The following PXDNL variants were observed in gnomAD, a reference collection of about 807,000 sequenced individuals.
The protein encoded by PXDNL is probable oxidoreductase PXDNL.
In PXDNL, 145 loss-of-function variants were observed where a neutral mutation model predicts 150.8. The observed-to-expected ratio is 0.96, with a 90% CI of 0.84 to 1.10. PXDNL has a LOEUF of 1.10. Among genes scored for constraint, PXDNL ranks in the 50% least tolerant of loss-of-function variants. The pLI is 0.00. For synonymous variants in PXDNL, 757 were observed against 725.7 expected, an observed-to-expected ratio of 1.04 and a Z score of -0.69; for missense variants, 2,087 against 1,873.9, an observed-to-expected ratio of 1.11 and a Z score of -2.10.
intron 2 of PXDNL, among the ~76,000 whole-genome samples, chr8:51,620,005 T>C (rs991168742): frequency 1.3e-5 from 2 of 152,170 alleles, no homozygotes; most frequent in African/African-American, 4.8e-5. Flanking sequence ...CGTTCTACTT[T>C]TCTATTGTTA....
intron 5 of PXDNL, among the ~76,000 whole-genome samples, chr8:51,486,239 C>T (rs1210156684): frequency 1.3e-5 from 2 of 152,116 alleles, no homozygotes; most frequent in African/African-American, 4.8e-5. Flanking sequence ...AAAACATTTC[C>T]ATCATCACAG....
At chr8:51,390,062 C>T (rs1179765177) in intron 17 of PXDNL, among the ~76,000 whole-genome samples, 4 of 151,832 alleles carry the variant, frequency 2.6e-5, no homozygotes, top group Non-Finnish European at 5.9e-5. Context: ...CATGCCCCCC[C>T]CACCAAAAAA....
intron 12 of PXDNL, among the ~76,000 whole-genome samples, chr8:51,438,734 C>T (rs573705135): frequency 1.3e-5 from 2 of 152,194 alleles, no homozygotes; most frequent in East Asian, 3.9e-4. Context: ...GCACATAAAC[C>T]AATGGAACAG....
intron 1 of PXDNL, among the ~76,000 whole-genome samples, chr8:51,680,044 G>C (rs1815708202): frequency 6.6e-6 from 1 of 152,142 alleles, no homozygotes; most frequent in African/African-American, 2.4e-5. Flanking sequence ...ACTTATATTT[G>C]ATTTATGCTT....
chr8:51,404,478 T>C (rs947864868), intron 17 of PXDNL, among the ~76,000 whole-genome samples: 3 of 149,314 alleles, frequency 2.0e-5, no homozygotes, highest in African/African-American at 7.8e-5. Flanking sequence ...TACAGAGTGC[T>C]GATTGGTGCA....
At chr8:51,601,217 C>T (rs878973112) in intron 2 of PXDNL, among the ~76,000 whole-genome samples, 20 of 151,446 alleles carry the variant, frequency 1.3e-4, no homozygotes, top group South Asian at 4.2e-4. Context: ...TGGAGTATTC[C>T]GTAATGTTTA....
rs145420857 is a variant in PXDNL at position 51,688,507 on chromosome 8, C to T, written c.165-33747G>A. 7.1e-4 allele frequency among the ~76,000 whole-genome samples: 108 copies of T among 152,202 alleles called. 2 individuals carry two copies. Among genetic ancestry groups the T allele is most frequent in the African/African-American group, 2.2e-3 (92 of 41,534 alleles). Reference sequence around the variant, plus strand: ...CAATGATAAGAAAGTTGAACAAACACAATTTGGTGACCCTGTGGACTGCGG... The same window carrying T: ...CAATGATAAGAAAGTTGAACAAACATAATTTGGTGACCCTGTGGACTGCGG... On this transcript the variant is annotated intron_variant, in intron 1 of 22. Transcript: ENST00000356297.
chr8:51,423,521 A>G (rs1809010126), intron 14 of PXDNL, 54 bp downstream of exon 14: 1 of 1,501,976 alleles, frequency 6.7e-7, no homozygotes, highest in African/African-American at 1.4e-5. Flanking sequence ...ATTGGGGTAG[A>G]AGCTGTTCAA....
intron 4 of PXDNL, among the ~76,000 whole-genome samples, chr8:51,527,222 G>T (rs1213843609): frequency 6.6e-6 from 1 of 152,076 alleles, no homozygotes; most frequent in Non-Finnish European, 1.5e-5. Context: ...CAATGAGCTG[G>T]GACCTACCTA....
At chr8:51,492,930 A>G (rs1810931904) in intron 5 of PXDNL, among the ~76,000 whole-genome samples, 1 of 152,150 alleles carries the variant, frequency 6.6e-6, no homozygotes, top group African/African-American at 2.4e-5. Flanking sequence ...CTTTGAAGAG[A>G]GTAGTGGTTC....
At chr8:51,467,604 C>T (rs1003410542) in intron 8 of PXDNL, among the ~76,000 whole-genome samples, 1 of 152,018 alleles carries the variant, frequency 6.6e-6, no homozygotes, top group Admixed American at 6.6e-5. Flanking sequence ...GCACTTGTAC[C>T]TCCAGAATGT....
At chr8:51,635,916 G>C (rs1814594669) in intron 2 of PXDNL, among the ~76,000 whole-genome samples, 1 of 151,982 alleles carries the variant, frequency 6.6e-6, no homozygotes, top group African/African-American at 2.4e-5. Context: ...AAAATACAGA[G>C]CAATATCTTT....
At chr8:51,608,852 A>AAAAAAAAAAAAAAAAAAAAAT (rs1813935720) in intron 2 of PXDNL, among the ~76,000 whole-genome samples, 1 of 149,376 alleles carries the variant, frequency 6.7e-6, no homozygotes, top group Non-Finnish European at 1.5e-5. Flanking sequence ...AAAAAAAAAA[A>AAAAAAAAAAAAAAAAAAAAAT]AAAAAAAGAA....
At chr8:51,802,979 AG>A (rs1243304841) in intron 1 of PXDNL, among the ~76,000 whole-genome samples, 1 of 152,268 alleles carries the variant, frequency 6.6e-6, no homozygotes, top group Non-Finnish European at 1.5e-5. Context: ...AAGATGTCTA[AG>A]CAAAGGAATA....
At chr8:51,524,109 G>T (rs932493487) in intron 4 of PXDNL, among the ~76,000 whole-genome samples, 1 of 150,166 alleles carries the variant, frequency 6.7e-6, no homozygotes, top group African/African-American at 2.5e-5. Context: ...TGCCACCTCG[G>T]TTCCTCATGG....
chr8:51,600,329 T>C (rs928939436), intron 2 of PXDNL, among the ~76,000 whole-genome samples: 4 of 124,260 alleles, frequency 3.2e-5, no homozygotes, highest in South Asian at 5.1e-4. Context: ...AATTATATCT[T>C]ATATAAATTA....
At chr8:51,400,981 G>A (rs895525983) in intron 17 of PXDNL, among the ~76,000 whole-genome samples, 4 of 152,132 alleles carry the variant, frequency 2.6e-5, no homozygotes, top group African/African-American at 9.7e-5. Flanking sequence ...TCTCACCCAA[G>A]CATGTCCCAC....
chr8:51,410,945 C>A (rs1042373179), intron 16 of PXDNL, among the ~76,000 whole-genome samples: 5 of 152,118 alleles, frequency 3.3e-5, no homozygotes, highest in Non-Finnish European at 7.4e-5. Context: ...TAAAGCATTT[C>A]TCTATAAGAC....
rs146964162 is a variant in PXDNL at position 51,457,566 on chromosome 8, CA to C, written c.913del (p.Cys305AlafsTer29). The stretch of plus-strand genomic sequence containing the variant: ...TTCCCCAGCGGAATTTCTGGCCATG[CA>C]CTGATAGACACCTTGGTCTGACTCT... The part of the protein sequence containing the change: ...TRESDQGVYQ[C>X]MARNSAGEAK... On this transcript the variant is annotated frameshift_variant, in exon 9 of 23. Coordinates refer to ENST00000356297, the MANE Select transcript of PXDNL (RefSeq NM_144651.5). LOFTEE classifies it high-confidence loss of function. 1.6e-3 allele frequency: 2,637 copies of C among 1,613,808 alleles called. 39 individuals carry two copies. The African/African-American group carries it at 0.031, about 19-fold the overall frequency.
Sources: allele counts gnomAD v4.1 joint callset (sites outside exome capture counted in the v4.1 genomes callset), GRCh38; gene constraint gnomAD v4.1.1; transcripts MANE v1.5; gene names NCBI Gene and HGNC (gene_info 2026-07-23, HGNC 2026-07-21).